The following NEB variants were observed in gnomAD, a reference collection of about 807,000 sequenced individuals.
NEB encodes nebulin.
A neutral mutation model predicts 952.2 loss-of-function variants in NEB; 512 were observed. The observed-to-expected ratio is 0.54, with a 90% CI of 0.50 to 0.58. The LOEUF is 0.58. Among genes scored for constraint, NEB ranks in the 20% least tolerant of loss-of-function variants. The pLI, the probability that NEB is intolerant of heterozygous loss-of-function variation, is 0.00. For synonymous variants in NEB, 2,900 were observed against 3,149.8 expected, an observed-to-expected ratio of 0.92 and a Z score of 2.66; for missense variants, 8,428 against 9,231.1, an observed-to-expected ratio of 0.91 and a Z score of 3.56.
intron 36 of NEB, 67 bp from the exon 37 acceptor site, chr2:151,672,747 A>G: frequency 7.5e-7 from 1 of 1,331,316 alleles, no homozygotes; most frequent in Non-Finnish European, 1.0e-6. Context: ...AATTACATTC[A>G]CATATAAAGA....
intron 107 of NEB, among the ~76,000 whole-genome samples, 156 bp from the exon 108 acceptor site, chr2:151,570,757 T>C (rs1016676692): frequency 3.3e-5 from 5 of 152,202 alleles, no homozygotes; most frequent in Non-Finnish European, 5.9e-5. Context: ...CTATGCACCA[T>C]TGTCCTGGAA....
chr2:151,560,620 G>T lies in NEB; in HGVS notation c.19286C>A (p.Ala6429Asp), dbSNP rs139636644. ...LPSSTLSLTH[A>D]KNQKHLASHI... ...GCTGGCCAGATGCTTCTGGTTCTTGGCGTGTGTCAGGGACAAGGTGCTGGA... is the reference window on the plus strand; with the variant it reads ...GCTGGCCAGATGCTTCTGGTTCTTGTCGTGTGTCAGGGACAAGGTGCTGGA... Residue 6429 changes from alanine to aspartate, a missense_variant, in exon 124 of 182, where the codon GCC becomes GAC. Around this residue, in one of 11 missense-constraint regions of NEB, gnomAD observed 3,374 missense variants for 3,651.5 expected, o/e 0.92. Transcript: ENST00000397345. The T allele has an allele frequency of 1.7e-3, 2,779 of 1,612,274 alleles. 42 individuals are homozygous for T. The East Asian group carries it at 0.033, about 19-fold the overall frequency.
intron 42 of NEB, 97 bp from the exon 43 acceptor site, chr2:151,664,960 T>C: frequency 2.4e-6 from 2 of 841,174 alleles, no homozygotes; most frequent in Non-Finnish European, 3.7e-6. Flanking sequence ...GTAAAAGAGG[T>C]TAAATGGATA....
At chr2:151,734,248 CTTAGTAGGGCA>C (rs1021515857) in intron 1 of NEB, 139 bp downstream of exon 1, 1 of 152,032 alleles carries the variant, frequency 6.6e-6, no homozygotes, top group African/African-American at 2.4e-5. Context: ...TTAGTAGGGC[CTTAGTAGGGCA>C]ATGGGGTTAA....
chr2:151,567,537 G>A (rs1320897262), intron 113 of NEB, 58 bp from the exon 114 acceptor site: 3 of 1,477,288 alleles, frequency 2.0e-6, no homozygotes, highest in African/African-American at 1.4e-5. Flanking sequence ...AGGCAGAGGG[G>A]GCTTGATCAT....
chr2:151,543,097 C>T (rs2094277299), intron 135 of NEB, among the ~76,000 whole-genome samples: 1 of 152,176 alleles, frequency 6.6e-6, no homozygotes, highest in African/African-American at 2.4e-5. Context: ...CACACCAATG[C>T]CTGTTTCTTC....
intron 146 of NEB, 132 bp from the exon 147 acceptor site, chr2:151,527,717 A>G (rs977432471): frequency 5.9e-5 from 39 of 663,258 alleles, no homozygotes; most frequent in South Asian, 9.8e-5. Context: ...GGAAGCCCCA[A>G]TTGAAATTTC....
At chr2:151,565,173 T>C (rs758339059) in intron 116 of NEB, 25 bp from the exon 117 acceptor site, 16 of 1,172,242 alleles carry the variant, frequency 1.4e-5, no homozygotes, top group Middle Eastern at 2.4e-4. Context: ...CCAAATCTTT[T>C]ATTACTATAA....
intron 13 of NEB, among the ~76,000 whole-genome samples, chr2:151,701,293 C>T (rs1488994462): frequency 1.3e-5 from 2 of 151,696 alleles, no homozygotes; most frequent in Non-Finnish European, 2.9e-5. Flanking sequence ...ATTTTTGCAT[C>T]AATATTCATC....
At chr2:151,656,107 C>T (rs1436616611) in intron 49 of NEB, 46 bp downstream of exon 49, 12 of 1,575,392 alleles carry the variant, frequency 7.6e-6, no homozygotes, top group Non-Finnish European at 8.6e-6. Context: ...GATCTCCCTT[C>T]CCATGCTAGG....
intron 36 of NEB, 80 bp from the exon 37 acceptor site, chr2:151,672,760 C>A: frequency 7.7e-7 from 1 of 1,291,968 alleles, no homozygotes; most frequent in Non-Finnish European, 1.1e-6. Flanking sequence ...TATAAAGACA[C>A]TCAGAGCTTT....
chr2:151,505,821 C>T (rs2068414474), intron 164 of NEB: 3 of 554,248 alleles, frequency 5.4e-6, no homozygotes. Flanking sequence ...TAGACTGCAG[C>T]CCTTTCCTGT....
At chr2:151,566,377 CTGATT>C (rs1175958632) in intron 114 of NEB, among the ~76,000 whole-genome samples, 1 of 152,198 alleles carries the variant, frequency 6.6e-6, no homozygotes, top group Non-Finnish European at 1.5e-5. Context: ...AGTTGCTATT[CTGATT>C]TAAGTTCCAC....
At chr2:151,546,492 A>C (rs1310727110) in intron 133 of NEB, 49 bp from the exon 134 acceptor site, 39 of 1,241,992 alleles carry the variant, frequency 3.1e-5, no homozygotes, top group Non-Finnish European at 4.5e-5. Flanking sequence ...AATGTAAGTC[A>C]GGAAACACAA....
At position 151,576,158 on chromosome 2, in the gene NEB, A is replaced by G. The variant is rs545889830; in HGVS notation, c.16901T>C (p.Ile5634Thr). Reference protein sequence around the residue: ...VVLAKSNAENISIPKYREVWD... With the variant: ...VVLAKSNAENTSIPKYREVWD... ...AGAGAAAAACTAACTCACAATACTAATATTTTCAGCATTTGATTTAGCAAG... is the reference window on the plus strand; with the variant it reads ...AGAGAAAAACTAACTCACAATACTAGTATTTTCAGCATTTGATTTAGCAAG... The change falls in exon 106 of 182, where the codon ATT (isoleucine) becomes ACT (threonine). Residue 5634 changes from isoleucine to threonine, a missense_variant. Physicochemically the swap from Ile to Thr is moderately conservative, Grantham distance 89. This residue lies in a region of NEB where 3,374 missense variants were observed against 3,651.5 expected (regional missense o/e 0.92). Coordinates refer to ENST00000397345, the MANE Select transcript of NEB (RefSeq NM_001164508.2). 9 of 1,596,260 alleles carry G rather than the reference A, an allele frequency of 5.6e-6. No homozygotes were observed. The East Asian group carries it at 1.8e-4, about 32-fold the overall frequency.
Position 151,535,699 on chromosome 2 carries a change from T to A in NEB, c.21304A>T (p.Met7102Leu). Reference protein sequence around the residue: ...NRHFKYATQLMNERKYKSSAK... With the variant: ...NRHFKYATQLLNERKYKSSAK... ...AGTTTATTCATACATACCTCATTCA[T>A]CAATTGAGTTGCATACTTGAAATGC... The change falls in exon 142 of 182, where the codon ATG becomes TTG. Residue 7102 changes from methionine to leucine, a missense_variant. Met to Leu is a conservative substitution (Grantham distance 15). This residue lies in a region of NEB where 3,374 missense variants were observed against 3,651.5 expected (regional missense o/e 0.92). Transcript: ENST00000397345. 6.3e-7 allele frequency: 1 copy of A among 1,599,596 alleles called. No homozygotes were observed. Among genetic ancestry groups the A allele is most frequent in the Non-Finnish European group, 8.5e-7 (1 of 1,169,614 alleles).
At chr2:151,526,293 A>C in intron 148 of NEB, 31 bp from the exon 149 acceptor site, 1 of 1,425,204 alleles carries the variant, frequency 7.0e-7, no homozygotes, top group Non-Finnish European at 9.8e-7. Context: ...GCATTTCTTT[A>C]GCTCTGCTGG....
At chr2:151,644,674 G>T (rs1449508863) in intron 55 of NEB, 99 bp from the exon 56 acceptor site, 28 of 962,716 alleles carry the variant, frequency 2.9e-5, no homozygotes, top group Non-Finnish European at 4.0e-5. Flanking sequence ...CATGAGAATA[G>T]CATCTGTGCC....
rs2098918112 is a variant in NEB at position 151,643,759 on chromosome 2, C to G, written c.7956+59G>C. On this transcript the variant is annotated intron_variant, in intron 57 of 181. Coordinates refer to ENST00000397345, the MANE Select transcript of NEB (RefSeq NM_001164508.2). ...ACTCAACTCTGCTCACTATGGGACT[C>G]TGATACTTTAAAAAGCAGACATAAT... 3.2e-6 allele frequency: 5 copies of G among 1,580,358 alleles called. No individual in the cohort carries two copies. The Admixed American group carries it at 5.1e-5, about 16-fold the overall frequency.
Sources: gnomAD v4.1 joint callset for allele counts (sites outside exome capture counted in the v4.1 genomes callset) on GRCh38, gnomAD v4.1.1 for gene constraint, gnomAD v4.1.1 regional missense constraint, MANE v1.5 for transcripts, NCBI Gene and HGNC (gene_info 2026-07-23, HGNC 2026-07-21) for gene names.